The following ZNF701 variants were observed in gnomAD, a reference collection of about 807,000 sequenced individuals.
ZNF701 encodes zinc finger protein 701.
A neutral mutation model predicts 7.1 loss-of-function variants in ZNF701; 6 were observed. The ratio of observed to expected loss-of-function variants is 0.84; its 90% CI spans 0.46 to 1.66. ZNF701 has a LOEUF of 1.66. Ranked by LOEUF, ZNF701 falls within the 40% of genes most tolerant of loss-of-function variation. ZNF701 has a pLI of 0.01. For synonymous variants in ZNF701, 166 were observed against 188.2 expected, an observed-to-expected ratio of 0.88 and a Z score of 0.97; for missense variants, 541 against 559.2, an observed-to-expected ratio of 0.97 and a Z score of 0.33.
At position 52,582,689 on chromosome 19, in the gene ZNF701, A is replaced by G. The variant is rs141467622; in HGVS notation, c.630A>G (p.Thr210=). 8 of 1,614,100 alleles carry G rather than the reference A, an allele frequency of 5.0e-6. No homozygotes were observed. The highest frequency in any genetic ancestry group is 5.9e-6 in the Non-Finnish European group (7 of 1,179,964). ...SLLTQKREVH[T]REKSFQRNES... ...TCACACAAAAACGGGAAGTACACAC[A>G]AGAGAAAAATCTTTCCAACGTAATG... The change falls in exon 4 of 4, where the codon ACA becomes ACG. Residue 210 remains threonine (T), a synonymous_variant. Transcript: ENST00000391785.
downstream of ZNF701, chr19:52,592,039 T>G: frequency 1.5e-6 from 1 of 661,252 alleles, no homozygotes; most frequent in East Asian, 2.6e-5. Context: ...CTTTTCTCAT[T>G]TCATGTGAAG....
At chr19:52,598,327 C>T in the ZNF701 span, among the ~76,000 whole-genome samples, 2 of 152,264 alleles carry the variant, frequency 1.3e-5, no homozygotes, top group South Asian at 4.1e-4. Flanking sequence ...CGTTTTTCCT[C>T]TTAAGTTGAA....
chr19:52,595,742 A>G, the ZNF701 span: 1 of 1,580,906 alleles, frequency 6.3e-7, no homozygotes, highest in South Asian at 1.1e-5. Flanking sequence ...CTTCCCAGAA[A>G]TCAAGAAAGA....
intron 1 of ZNF701, among the ~76,000 whole-genome samples, chr19:52,573,425 T>C (rs961131480): frequency 1.3e-5 from 2 of 152,050 alleles, no homozygotes; most frequent in African/African-American, 2.4e-5. Flanking sequence ...TTAGTAGATA[T>C]GGGGTTTCAC....
At chr19:52,588,592 G>GC (rs1488537443), downstream of ZNF701, 7 of 400,492 alleles carry the variant, frequency 1.7e-5, no homozygotes, top group African/African-American at 1.5e-4. Flanking sequence ...AAGAAAAGGA[G>GC]CCAGGGACGG....
At chr19:52,593,636 T>C in the ZNF701 span, among the ~76,000 whole-genome samples, 15 of 105,412 alleles carry the variant, frequency 1.4e-4, 5 homozygotes, top group Non-Finnish European at 3.0e-4. Flanking sequence ...TTCTCACTTC[T>C]CAGACGGGGC....
At chr19:52,596,462 G>A in the ZNF701 span, 1 of 439,902 alleles carries the variant, frequency 2.3e-6, no homozygotes, top group Admixed American at 2.8e-5. Flanking sequence ...CAAACGTAAG[G>A]TTTGTGACAA....
Position 52,586,488 on chromosome 19 carries a change from T to C in ZNF701, c.*3031T>C, listed in dbSNP as rs1210756757. On this transcript the variant is annotated 3_prime_UTR_variant, in exon 4 of 4. Coordinates refer to ENST00000391785, the MANE Select transcript of ZNF701 (RefSeq NM_018260.3). ...CAGGTTTGTCTCAAACTCCTCGGCT[T>C]AACTGATCCGCTTGCTTTGGCCTTC... The C allele has an allele frequency of 2.0e-5, 3 of 152,188 alleles. No homozygotes were observed. The highest frequency in any genetic ancestry group is 2.9e-5 in the Non-Finnish European group (2 of 68,044). The allele number at this position is 152,188 out of a possible 1,614,324, so 9.4% of individuals were successfully genotyped here.
At chr19:52,590,164 G>A (rs542281505), downstream of ZNF701, among the ~76,000 whole-genome samples, 5 of 150,822 alleles carry the variant, frequency 3.3e-5, no homozygotes, top group South Asian at 6.3e-4. Context: ...ACAGTGGGGC[G>A]ATCTCAGCTC....
chr19:52,594,382 G>A, the ZNF701 span: 1 of 152,676 alleles, frequency 6.5e-6, no homozygotes, highest in South Asian at 2.1e-4. Context: ...ATTAGAGATG[G>A]GATATGACCA....
At chr19:52,577,790 T>A (rs1326634271) in intron 3 of ZNF701, among the ~76,000 whole-genome samples, 2 of 152,038 alleles carry the variant, frequency 1.3e-5, no homozygotes, top group African/African-American at 4.8e-5. Context: ...CTGGATAGTA[T>A]CCAGGCCTGC....
chr19:52,583,769 C>T lies in ZNF701; in HGVS notation c.*312C>T. ...CAACACTTACTCACCATCAAGCAAT[C>T]CATGGTATAGGGAAACTTGACTAAT... On this transcript the variant is annotated 3_prime_UTR_variant, in exon 4 of 4. Coordinates refer to ENST00000391785, the MANE Select transcript of ZNF701 (RefSeq NM_018260.3). 1 of 663,688 alleles carries T rather than the reference C, an allele frequency of 1.5e-6. No homozygotes were observed. Among genetic ancestry groups the T allele is most frequent in the South Asian group, 1.7e-5 (1 of 59,264 alleles). 41.1% of individuals were successfully genotyped at this position (663,688 alleles called of 1,614,324 possible).
chr19:52,583,238 A>G lies in ZNF701; in HGVS notation c.1179A>G (p.Gln393=), dbSNP rs769608524. ...ATGAGTGTGGCAAGACCTTTGTTCA[A>G]AATTCATCTCTTGTAATGCATAAGG... The part of the protein sequence containing the change: ...KCNECGKTFV[Q]NSSLVMHKVI... Residue 393 remains glutamine (Q), a synonymous_variant, in exon 4 of 4, where the codon CAA becomes CAG. Transcript: ENST00000391785. 42 of 1,609,842 alleles carry G rather than the reference A, an allele frequency of 2.6e-5. No homozygotes were observed. The highest frequency in any genetic ancestry group is 1.8e-4 in the South Asian group (16 of 90,950).
chr19:52,597,936 C>G, the ZNF701 span: 1 of 155,924 alleles, frequency 6.4e-6, no homozygotes, highest in Admixed American at 6.2e-5. Context: ...GATATTACCC[C>G]TAATATCACA....
intron 3 of ZNF701, among the ~76,000 whole-genome samples, chr19:52,579,520 C>CAAAA (rs34682718): frequency 6.6e-5 from 4 of 60,172 alleles, no homozygotes; most frequent in African/African-American, 4.3e-4. Flanking sequence ...AACTCTGTCT[C>CAAAA]AAAAAAAAAA....
chr19:52,598,480 C>T, the ZNF701 span, among the ~76,000 whole-genome samples: 1 of 152,024 alleles, frequency 6.6e-6, no homozygotes, highest in South Asian at 2.1e-4. Flanking sequence ...CTGGTTGCCG[C>T]GGGCACTGGC....
At chr19:52,596,632 A>G in the ZNF701 span, 3 of 433,598 alleles carry the variant, frequency 6.9e-6, no homozygotes, top group Non-Finnish European at 1.4e-5. Context: ...AAGGGTTGTG[A>G]CAAGGTTTTC....
intron 1 of ZNF701, chr19:52,573,273 T>A (rs181410637): frequency 3.3e-4 from 50 of 153,238 alleles, no homozygotes; most frequent in Middle Eastern, 3.4e-3. Flanking sequence ...TGAGTCTTAC[T>A]CTGTTGCCCT....
Position 52,570,372 on chromosome 19 carries a change from A to T in ZNF701, c.-72+42A>T, listed in dbSNP as rs1173381474. The stretch of plus-strand genomic sequence containing the variant: ...GTTGTATTAAGTCTGCACTCCCCAT[A>T]TCCCCGGCACTTCCGTACCTGGGAC... On this transcript the variant is annotated intron_variant, in intron 1 of 3. Transcript: ENST00000391785. The T allele has an allele frequency of 1.3e-5, 2 of 152,534 alleles. 1 individual carries two copies. Among genetic ancestry groups the T allele is most frequent in the African/African-American group, 4.8e-5 (2 of 41,406 alleles). 9.4% of individuals were successfully genotyped at this position (152,534 alleles called of 1,614,324 possible).
Sources: allele counts gnomAD v4.1 joint callset (sites outside exome capture counted in the v4.1 genomes callset), GRCh38; gene constraint gnomAD v4.1.1; transcripts MANE v1.5; gene names NCBI Gene and HGNC (gene_info 2026-07-23, HGNC 2026-07-21).